Variants in UGT1A5 observed in about 807,000 individuals in gnomAD.
UGT1A5 encodes UDP glucuronosyltransferase family 1 member A5.
UGT1A5 carries 29 observed loss-of-function variants against 40.3 expected under a neutral mutation model. The ratio of observed to expected loss-of-function variants is 0.72; its 90% confidence interval spans 0.54 to 0.98. The LOEUF (loss-of-function observed/expected upper bound fraction) is 0.98. Ranked by LOEUF, UGT1A5 falls within the 50% of genes least tolerant of loss-of-function variation. The pLI is 0.00. For missense variants in UGT1A5, 678 were observed against 677.9 expected (o/e 1.00, Z 0.00); for synonymous variants, 257 against 262.5 (o/e 0.98, Z 0.20).
intron 1 of UGT1A5, among the ~76,000 whole-genome samples, chr2:233,751,222 C>A (rs1694670649): frequency 6.6e-6 from 1 of 151,992 alleles, no homozygotes; most frequent in African/African-American, 2.4e-5. Context: ...GATTTAATGA[C>A]TGCCCTGCCT....
intron 1 of UGT1A5, among the ~76,000 whole-genome samples, chr2:233,750,418 A>G (rs1270471550): frequency 3.3e-5 from 5 of 151,986 alleles, no homozygotes; most frequent in East Asian, 1.9e-4. Context: ...GTGGTAGAAA[A>G]GAAAAACCCA....
intron 1 of UGT1A5, among the ~76,000 whole-genome samples, chr2:233,739,832 A>C (rs1448736467): frequency 1.3e-5 from 2 of 152,016 alleles, no homozygotes; most frequent in Non-Finnish European, 2.9e-5. Flanking sequence ...GTGAAAAGAC[A>C]TGAGATTTGG....
intron 1 of UGT1A5, chr2:233,743,204 C>A (rs187896113): frequency 1.0e-4 from 39 of 388,848 alleles, no homozygotes; most frequent in Non-Finnish European, 1.8e-4. Flanking sequence ...GGTGTCAATG[C>A]GGAGTAACTG....
intron 1 of UGT1A5, chr2:233,729,792 C>A (rs370250320): frequency 4.3e-6 from 7 of 1,613,982 alleles, no homozygotes; most frequent in East Asian, 2.2e-5. Flanking sequence ...CCCTGTCCTA[C>A]ATTTGCCATG....
rs374047963 is a variant in UGT1A5 at position 233,768,235 on chromosome 2, G to C, written c.1103G>C (p.Arg368Pro). 6.2e-7 allele frequency: 1 copy of C among 1,614,136 alleles called. No individual in the cohort carries two copies. The highest frequency in any genetic ancestry group is 1.3e-5 in the African/African-American group (1 of 75,020). Reference sequence around the variant, plus strand: ...TGCATCTCAGGTCACCCGATGACCCGTGCCTTTATCACCCATGCTGGTTCC... The same window carrying C: ...TGCATCTCAGGTCACCCGATGACCCCTGCCTTTATCACCCATGCTGGTTCC... ...QNDLLGHPMT[R>P]AFITHAGSHG... Residue 368 changes from arginine to proline, a missense_variant, in exon 4 of 5, where the codon CGT becomes CCT. Arg to Pro is a moderately radical substitution (Grantham distance 103). Transcript: ENST00000373414.
At chr2:233,755,452 C>A in intron 1 of UGT1A5, 1 of 306,372 alleles carries the variant, frequency 3.3e-6, no homozygotes, top group South Asian at 3.0e-5. Flanking sequence ...GCTCCTGGGA[C>A]TGGCCCTGCT....
rs1409384005 is a variant in UGT1A5 at position 233,735,868 on chromosome 2, C to T, written c.867+22010C>T. ...TCTCTTCTGTCTTGTAGGGTTTCTG[C>T]AGAGAGATCTGCTGTTAGTCTGATG... On this transcript the variant is annotated intron_variant, in intron 1 of 4. Transcript: ENST00000373414. Among the ~76,000 whole-genome samples, 5 of 152,262 alleles carry T rather than the reference C, an allele frequency of 3.3e-5. No homozygotes were observed. The East Asian group carries it at 7.7e-4, about 23-fold the overall frequency.
intron 1 of UGT1A5, among the ~76,000 whole-genome samples, chr2:233,724,264 C>G (rs1250827727): frequency 2.6e-5 from 3 of 116,548 alleles, no homozygotes; most frequent in Non-Finnish European, 3.6e-5. Context: ...ACCTCCCGGA[C>G]GGGGCGGCTG....
chr2:233,755,178 T>A, intron 1 of UGT1A5: 1 of 1,236,812 alleles, frequency 8.1e-7, no homozygotes, highest in Non-Finnish European at 1.1e-6. Flanking sequence ...TTTGTCGGGG[T>A]GCCACTTGAG....
chr2:233,736,695 G>A (rs1463496904), intron 1 of UGT1A5, among the ~76,000 whole-genome samples: 1 of 152,174 alleles, frequency 6.6e-6, no homozygotes, highest in Admixed American at 6.5e-5. Context: ...CTACAGATGG[G>A]GTTTTGGTGT....
chr2:233,748,015 C>G (rs746722710), intron 1 of UGT1A5: 4 of 1,613,310 alleles, frequency 2.5e-6, no homozygotes. Flanking sequence ...TACCCCAGGC[C>G]GATCATGCCC....
intron 1 of UGT1A5, among the ~76,000 whole-genome samples, chr2:233,758,641 A>G (rs1696933975): frequency 6.6e-6 from 1 of 152,212 alleles, no homozygotes; most frequent in Non-Finnish European, 1.5e-5. Flanking sequence ...TCTAAGGAGA[A>G]GAATGAGAGG....
At chr2:233,762,750 TA>T (rs777496065) in intron 1 of UGT1A5, among the ~76,000 whole-genome samples, 22 of 152,278 alleles carry the variant, frequency 1.4e-4, no homozygotes, top group East Asian at 1.9e-4. Flanking sequence ...GTGAATGTGT[TA>T]TTTTTTTGCA....
chr2:233,762,447 C>T (rs867092179), intron 1 of UGT1A5, among the ~76,000 whole-genome samples: 2 of 152,128 alleles, frequency 1.3e-5, no homozygotes, highest in Non-Finnish European at 2.9e-5. Context: ...TTCCCACTGC[C>T]CACTTACCGA....
chr2:233,724,364 G>C (rs1172748596), intron 1 of UGT1A5, among the ~76,000 whole-genome samples: 12 of 145,710 alleles, frequency 8.2e-5, no homozygotes, highest in Non-Finnish European at 1.2e-4. Flanking sequence ...CCTCCCGGAC[G>C]GGGTGGCTGC....
intron 1 of UGT1A5, among the ~76,000 whole-genome samples, chr2:233,736,818 G>A (rs761920295): frequency 6.6e-6 from 1 of 152,210 alleles, no homozygotes; most frequent in Non-Finnish European, 1.5e-5. Flanking sequence ...GTCCACTCCA[G>A]ATGCTCTTTG....
chr2:233,771,986 A>T (rs897905900), intron 4 of UGT1A5, among the ~76,000 whole-genome samples: 3 of 152,212 alleles, frequency 2.0e-5, no homozygotes, highest in African/African-American at 7.2e-5. Context: ...ATAGTGGTGC[A>T]TGACTAATTC....
chr2:233,749,829 T>C (rs758485445), intron 1 of UGT1A5, among the ~76,000 whole-genome samples: 1 of 151,956 alleles, frequency 6.6e-6, no homozygotes, highest in Non-Finnish European at 1.5e-5. Context: ...CTCTCTTTCA[T>C]GTAAGACGTG....
intron 1 of UGT1A5, among the ~76,000 whole-genome samples, chr2:233,722,564 C>G (rs2077023248): frequency 6.6e-6 from 1 of 152,184 alleles, no homozygotes; most frequent in Non-Finnish European, 1.5e-5. Flanking sequence ...TGATTTGTAG[C>G]TGCTTTTGCA....
Sources: gnomAD v4.1 joint callset for allele counts (sites outside exome capture counted in the v4.1 genomes callset) on GRCh38, gnomAD v4.1.1 for gene constraint, MANE v1.5 for transcripts, NCBI Gene and HGNC (gene_info 2026-07-23, HGNC 2026-07-21) for gene names.